TACC2: variants seen among roughly 807,000 people sequenced by gnomAD.
TACC2 encodes transforming acidic coiled-coil-containing protein 2.
Under a neutral mutation model 227.3 loss-of-function variants are expected in TACC2, and 137 were observed. The observed-to-expected ratio is 0.60, with a 90% CI of 0.52 to 0.69. The LOEUF (loss-of-function observed/expected upper bound fraction) is 0.69, where lower values mean the gene tolerates loss of function less well. Among genes scored for constraint, TACC2 ranks in the 30% least tolerant of loss-of-function variants. TACC2 has a pLI of 0.00. For missense variants in TACC2, 3,470 were observed against 3,694.4 expected, an observed-to-expected ratio of 0.94 and a Z score of 1.57; for synonymous variants, 1,523 against 1,487.5, an observed-to-expected ratio of 1.02 and a Z score of -0.55.
At chr10:122,134,895 C>T (rs2089259499) in intron 6 of TACC2, among the ~76,000 whole-genome samples, 1 of 152,196 alleles carries the variant, frequency 6.6e-6, no homozygotes, top group African/African-American at 2.4e-5. Context: ...CCCTCCCATG[C>T]CTGAGACTGC....
At chr10:122,113,723 T>C (rs780642039) in intron 5 of TACC2, among the ~76,000 whole-genome samples, 2 of 152,252 alleles carry the variant, frequency 1.3e-5, no homozygotes, top group African/African-American at 4.8e-5. Flanking sequence ...CATAAAACTC[T>C]GCGCTGGATT....
intron 8 of TACC2, 38 bp downstream of exon 8, chr10:122,195,214 G>GAGTT (rs1479572734): frequency 1.3e-6 from 2 of 1,568,638 alleles, no homozygotes; most frequent in South Asian, 2.4e-5. Flanking sequence ...CAGCCCTGTA[G>GAGTT]AGTTGTGAGC....
intron 5 of TACC2, among the ~76,000 whole-genome samples, chr10:122,112,733 G>C (rs2083832321): frequency 6.6e-6 from 1 of 152,240 alleles, no homozygotes; most frequent in African/African-American, 2.4e-5. Context: ...ACTAAGAACA[G>C]TAACAAGTTG....
At chr10:122,228,796 A>G (rs946662190) in intron 14 of TACC2, among the ~76,000 whole-genome samples, 1 of 152,076 alleles carries the variant, frequency 6.6e-6, no homozygotes, top group Non-Finnish European at 1.5e-5. Context: ...TAGCAAAAAG[A>G]GGGTCTAGAT....
At chr10:122,164,123 T>C (rs907136607) in intron 7 of TACC2, 152 of 1,113,358 alleles carry the variant, frequency 1.4e-4, no homozygotes, top group Non-Finnish European at 1.9e-4. Flanking sequence ...TTCGCAGCCT[T>C]GGAAAGCTTT....
At chr10:122,203,861 T>G (rs564573187) in intron 8 of TACC2, among the ~76,000 whole-genome samples, 2,709 of 150,618 alleles carry the variant, frequency 0.018, 66 homozygotes, top group African/African-American at 0.06. Context: ...ACTCCAGCCT[T>G]GGCACCATTG....
At chr10:122,201,212 C>G (rs1210090851) in intron 8 of TACC2, among the ~76,000 whole-genome samples, 2 of 138,190 alleles carry the variant, frequency 1.4e-5, no homozygotes, top group African/African-American at 2.9e-5. Flanking sequence ...AGAGGATGGC[C>G]ACCTCACCCG....
chr10:122,036,238 G>A (rs1371649651), intron 2 of TACC2, among the ~76,000 whole-genome samples: 1 of 151,158 alleles, frequency 6.6e-6, no homozygotes, highest in African/African-American at 2.4e-5. Flanking sequence ...TGTCACCCAG[G>A]ATGGAGTGCA....
intron 18 of TACC2, among the ~76,000 whole-genome samples, chr10:122,240,341 G>C (rs1039693328): frequency 1.3e-5 from 2 of 152,154 alleles, no homozygotes; most frequent in Admixed American, 6.5e-5. Context: ...TTGCTCCTGT[G>C]TAGGATTTGG....
intron 7 of TACC2, among the ~76,000 whole-genome samples, chr10:122,175,943 C>T (rs1167641590): frequency 1.3e-5 from 2 of 151,850 alleles, no homozygotes; most frequent in African/African-American, 2.4e-5. Flanking sequence ...TAGCTGGGTG[C>T]GGTGGTGCAC....
At chr10:122,096,425 G>T (rs533202306) in intron 5 of TACC2, among the ~76,000 whole-genome samples, 1 of 152,180 alleles carries the variant, frequency 6.6e-6, no homozygotes, top group Non-Finnish European at 1.5e-5. Context: ...GGCCAGGCGC[G>T]GTGGCTCACG....
At chr10:122,192,709 C>G (rs1421564443) in intron 7 of TACC2, 2 of 456,682 alleles carry the variant, frequency 4.4e-6, no homozygotes, top group Non-Finnish European at 8.8e-6. Flanking sequence ...GAGGTGGTCC[C>G]CAGTGGAATG....
chr10:122,253,858 C>T (rs1360844055), intron 22 of TACC2, 133 bp from the exon 23 acceptor site: 3 of 686,508 alleles, frequency 4.4e-6, no homozygotes, highest in Non-Finnish European at 7.7e-6. Flanking sequence ...TGTTTGGCTC[C>T]AAGTCATTTG....
At chr10:122,156,282 G>A (rs976855451) in intron 7 of TACC2, among the ~76,000 whole-genome samples, 4 of 150,354 alleles carry the variant, frequency 2.7e-5, no homozygotes, top group African/African-American at 9.8e-5. Flanking sequence ...GGAGTGCAGT[G>A]GCGTGACTTC....
chr10:122,202,987 G>T (rs1338996508), intron 8 of TACC2, among the ~76,000 whole-genome samples: 1 of 151,760 alleles, frequency 6.6e-6, no homozygotes, highest in Non-Finnish European at 1.5e-5. Context: ...TAAGGTCACA[G>T]ATCAACAGGA....
intron 2 of TACC2, among the ~76,000 whole-genome samples, chr10:122,036,195 C>CTTT (rs556416510): frequency 5.8e-5 from 8 of 139,114 alleles, no homozygotes; most frequent in Non-Finnish European, 7.7e-5. Context: ...CTAATCCATT[C>CTTT]TTTTTTTTTT....
At chr10:122,157,817 T>G (rs2092582998) in intron 7 of TACC2, among the ~76,000 whole-genome samples, 1 of 151,352 alleles carries the variant, frequency 6.6e-6, no homozygotes, top group Non-Finnish European at 1.5e-5. Context: ...AGAGCTGAAA[T>G]ATCAAGCCAG....
intron 5 of TACC2, among the ~76,000 whole-genome samples, chr10:122,106,179 G>C (rs2082777460): frequency 6.6e-6 from 1 of 150,516 alleles, no homozygotes; most frequent in Non-Finnish European, 1.5e-5. Context: ...GTAGAGACGG[G>C]GTTTTGCCAT....
At chr10:122,215,510 C>A in intron 10 of TACC2, 59 bp downstream of exon 10, 2 of 1,421,810 alleles carry the variant, frequency 1.4e-6, no homozygotes, top group Non-Finnish European at 2.0e-6. Context: ...GTTTTCTTCG[C>A]TTGTTGACAA....
Sources: gnomAD v4.1 joint callset for allele counts (sites outside exome capture counted in the v4.1 genomes callset) on GRCh38, gnomAD v4.1.1 for gene constraint, MANE v1.5 for transcripts, NCBI Gene and HGNC (gene_info 2026-07-23, HGNC 2026-07-21) for gene names.